TNFRSF8: variants seen among roughly 807,000 people sequenced by gnomAD.
TNFRSF8 encodes the protein tumor necrosis factor receptor superfamily member 8.
A neutral mutation model predicts 70.8 loss-of-function variants in TNFRSF8; 26 were observed. The observed-to-expected ratio is 0.37, with a 90% CI of 0.27 to 0.51. The LOEUF (loss-of-function observed/expected upper bound fraction) is 0.51. Among genes scored for constraint, TNFRSF8 ranks in the 20% least tolerant of loss-of-function variants. TNFRSF8 has a pLI of 0.94. For synonymous variants in TNFRSF8, 356 were observed against 339.2 expected (o/e 1.05, Z -0.54); for missense variants, 720 against 807.9 (o/e 0.89, Z 1.32).
rs541462003 is a variant in TNFRSF8 at position 12,122,017 on chromosome 1, C to T, written c.947-1267C>T. ...GAAATTCTGGAACAGATACACTCCTCTATAGTGACATAAAGCAGATCGGTG... is the reference window on the plus strand; with the variant it reads ...GAAATTCTGGAACAGATACACTCCTTTATAGTGACATAAAGCAGATCGGTG... On this transcript the variant is annotated intron_variant, in intron 8 of 14. Transcript: ENST00000263932. Among the ~76,000 whole-genome samples the T allele has an allele frequency of 2.0e-5, 3 of 152,228 alleles. No individual in the cohort carries two copies. In the East Asian group the frequency reaches 5.8e-4, roughly 29 times the overall value.
intron 10 of TNFRSF8, 135 bp downstream of exon 10, chr1:12,123,962 T>G: frequency 1.4e-6 from 1 of 706,132 alleles, no homozygotes; most frequent in East Asian, 2.8e-5. Flanking sequence ...GACCCCAGGT[T>G]TCTGGCTTCT....
At chr1:12,116,852 G>A (rs1483450922) in intron 8 of TNFRSF8, among the ~76,000 whole-genome samples, 1 of 152,106 alleles carries the variant, frequency 6.6e-6, no homozygotes, top group Non-Finnish European at 1.5e-5. Context: ...ACTCTGTGAG[G>A]GCTGCCAGAG....
chr1:12,083,876 A>T (rs1641106959), intron 1 of TNFRSF8, among the ~76,000 whole-genome samples: 1 of 152,318 alleles, frequency 6.6e-6, no homozygotes, highest in African/African-American at 2.4e-5. Flanking sequence ...TTTATGTAAA[A>T]TCCAAAAGCA....
chr1:12,092,095 A>G (rs893926637), intron 2 of TNFRSF8, among the ~76,000 whole-genome samples: 16 of 152,094 alleles, frequency 1.1e-4, no homozygotes, highest in African/African-American at 2.4e-4. Context: ...CATAACTCCA[A>G]TCTTCACATG....
Position 12,135,539 on chromosome 1 carries a change from C to T in TNFRSF8, c.1310-49C>T, listed in dbSNP as rs763957004. On this transcript the variant is annotated intron_variant, in intron 12 of 14. Coordinates refer to ENST00000263932, the MANE Select transcript of TNFRSF8 (RefSeq NM_001243.5). Reference sequence around the variant, plus strand: ...TGCCAATAGTTGGGGCGGGTGGGGCCGGGGGCTGCCAGACTCCTTGGTGAA... The same window carrying T: ...TGCCAATAGTTGGGGCGGGTGGGGCTGGGGGCTGCCAGACTCCTTGGTGAA... 5.0e-5 allele frequency: 41 copies of T among 818,964 alleles called. No individual in the cohort carries two copies. In the East Asian group the frequency reaches 7.2e-4, roughly 14 times the overall value. 50.7% of individuals were successfully genotyped at this position (818,964 alleles called of 1,614,324 possible).
intron 4 of TNFRSF8, among the ~76,000 whole-genome samples, chr1:12,106,229 G>A (rs1246255961): frequency 5.3e-5 from 8 of 152,068 alleles, no homozygotes; most frequent in Middle Eastern, 3.2e-3. Flanking sequence ...CTCCACCTGC[G>A]CTGCCCTTCT....
intron 1 of TNFRSF8, among the ~76,000 whole-genome samples, chr1:12,070,995 C>G (rs1640833458): frequency 2.0e-5 from 3 of 152,088 alleles, no homozygotes; most frequent in African/African-American, 7.2e-5. Flanking sequence ...CCAAGACCCC[C>G]TTTTTTTGGC....
chr1:12,069,345 A>ATTTTG (rs1640801556), intron 1 of TNFRSF8, among the ~76,000 whole-genome samples: 1 of 145,284 alleles, frequency 6.9e-6, no homozygotes. Flanking sequence ...CGCCTGGCTA[A>ATTTTG]TTTTTGTATT....
In TNFRSF8 at chr1:12,079,088, C is replaced by T. The variant is rs147212949; in HGVS notation, c.64-5376C>T. Among the ~76,000 whole-genome samples, 144 of 152,318 alleles carry T rather than the reference C, an allele frequency of 9.5e-4. 2 individuals carry two copies. Among genetic ancestry groups the T allele is most frequent in the African/African-American group, 3.3e-3 (139 of 41,568 alleles). ...AGCTCTGGCCCCTTCGGGGATTTTG[C>T]ATTTGATCTAACTCCCCGCTCACCC... On this transcript the variant is annotated intron_variant, in intron 1 of 14. Transcript: ENST00000263932.
intron 2 of TNFRSF8, among the ~76,000 whole-genome samples, chr1:12,095,964 T>C (rs1641324207): frequency 6.6e-6 from 1 of 152,238 alleles, no homozygotes; most frequent in Non-Finnish European, 1.5e-5. Context: ...CAGGCTGTGA[T>C]GACCTGGGCA....
intron 12 of TNFRSF8, among the ~76,000 whole-genome samples, chr1:12,134,586 C>T (rs528521724): frequency 6.6e-6 from 1 of 152,284 alleles, no homozygotes; most frequent in South Asian, 2.1e-4. Flanking sequence ...ACCTCCTGAG[C>T]CTACAAAAGG....
chr1:12,127,115 G>A (rs1641956545), intron 12 of TNFRSF8, among the ~76,000 whole-genome samples: 1 of 152,232 alleles, frequency 6.6e-6, no homozygotes, highest in Non-Finnish European at 1.5e-5. Flanking sequence ...CTGGGGCAGG[G>A]GGCTCCCAGC....
chr1:12,081,539 A>G (rs1042939943), intron 1 of TNFRSF8, among the ~76,000 whole-genome samples: 2 of 152,198 alleles, frequency 1.3e-5, no homozygotes, highest in East Asian at 3.9e-4. Context: ...GGGTGTCCTC[A>G]AGGCCCGGGG....
rs1050381200 is a variant in TNFRSF8, at chr1:12,142,027, C to T, written c.1544-260C>T. ...TCTGTCCCACCCTGTCCTCTTCTTC[C>T]CTACCCATCCGCAGAGATGTGCTGA... On this transcript the variant is annotated intron_variant, in intron 14 of 14. Transcript: ENST00000263932. This position sits in a 1 kb window ranked among gnomAD's most constrained non-coding sequence, Gnocchi z 5.0. 2.0e-5 allele frequency among the ~76,000 whole-genome samples: 3 copies of T among 152,222 alleles called. No homozygotes were observed. The highest frequency in any genetic ancestry group is 7.2e-5 in the African/African-American group (3 of 41,454).
Position 12,074,527 on chromosome 1 carries a change from G to A in TNFRSF8, c.64-9937G>A, listed in dbSNP as rs543954528. Reference sequence around the variant, plus strand: ...ACTCCTGACCTCAAGTGATCCGCCCGCCTCGGCCTCCCAAAGTGCTGGGAT... The same window carrying A: ...ACTCCTGACCTCAAGTGATCCGCCCACCTCGGCCTCCCAAAGTGCTGGGAT... On this transcript the variant is annotated intron_variant, in intron 1 of 14. Transcript: ENST00000263932. Among the ~76,000 whole-genome samples the A allele has an allele frequency of 6.3e-4, 96 of 152,122 alleles. 1 individual carries two copies. The highest frequency in any genetic ancestry group is 2.2e-3 in the African/African-American group (92 of 41,518).
At position 12,110,285 on chromosome 1, in the gene TNFRSF8, A is replaced by C; in HGVS notation, c.676+81A>C. On this transcript the variant is annotated intron_variant, in intron 6 of 14. Coordinates refer to ENST00000263932, the MANE Select transcript of TNFRSF8 (RefSeq NM_001243.5). The surrounding 1 kb of genome is among the most constrained non-coding windows in gnomAD (Gnocchi z 4.0). ...GCCCATGAGTGGGGGTGTTTGGAGC[A>C]GGCGGGCAGTGATCTGTGGTCTTTT... The C allele has an allele frequency of 7.2e-7, 1 of 1,397,764 alleles. No individual in the cohort carries two copies. The highest frequency in any genetic ancestry group is 9.6e-7 in the Non-Finnish European group (1 of 1,046,076). The allele number at this position is 1,397,764 out of a possible 1,614,324, so 86.6% of individuals were successfully genotyped here.
chr1:12,121,787 C>T (rs1641832971), intron 8 of TNFRSF8, among the ~76,000 whole-genome samples: 1 of 152,250 alleles, frequency 6.6e-6, no homozygotes, highest in African/African-American at 2.4e-5. Context: ...AGAATACTCA[C>T]AGCTGCCTTG....
intron 2 of TNFRSF8, among the ~76,000 whole-genome samples, chr1:12,090,633 C>A (rs141920765): frequency 0.016 from 2,447 of 150,178 alleles, 203 homozygotes; most frequent in Admixed American, 0.14. Flanking sequence ...CTCATTCATT[C>A]ATTGATTCAC....
rs1444812375 is a variant in TNFRSF8, at chr1:12,119,829, G to A, written c.947-3455G>A. Reference sequence around the variant, plus strand: ...ATTTTTCATGGGTAAATACCTAGGAGGAGTGGCTAGGTCATTGTGCTGGTC... The same window carrying A: ...ATTTTTCATGGGTAAATACCTAGGAAGAGTGGCTAGGTCATTGTGCTGGTC... On this transcript the variant is annotated intron_variant, in intron 8 of 14. Transcript: ENST00000263932. This position sits in a 1 kb window ranked among gnomAD's most constrained non-coding sequence, Gnocchi z 4.4. Among the ~76,000 whole-genome samples, 1 of 152,154 alleles carries A rather than the reference G, an allele frequency of 6.6e-6. No individual in the cohort carries two copies. Among genetic ancestry groups the A allele is most frequent in the African/African-American group, 2.4e-5 (1 of 41,444 alleles).
Sources: gnomAD v4.1 joint callset for allele counts (sites outside exome capture counted in the v4.1 genomes callset) on GRCh38, gnomAD v4.1.1 for gene constraint, Gnocchi (gnomAD v3.1) non-coding constraint, MANE v1.5 for transcripts, NCBI Gene and HGNC (gene_info 2026-07-23, HGNC 2026-07-21) for gene names.